PCGF3: variants seen among roughly 807,000 people sequenced by gnomAD.
PCGF3 encodes polycomb group ring finger 3, also known as polycomb group RING finger protein 3.
A neutral mutation model predicts 33.1 loss-of-function variants in PCGF3; 7 were observed. That is an observed-to-expected ratio of 0.21 (90% CI 0.12 to 0.40). PCGF3 has a LOEUF of 0.40. PCGF3 is among the 10% of genes least tolerant of loss of function. The probability of loss-of-function intolerance (pLI) is 1.00; values close to 1 mark genes in which losing one functional copy is unlikely to be tolerated. For missense variants in PCGF3, 211 were observed against 313.3 expected, an observed-to-expected ratio of 0.67 and a Z score of 2.46; for synonymous variants, 153 against 121.3, an observed-to-expected ratio of 1.26 and a Z score of -1.72.
At chr4:739,843 A>C (rs1744009918) in intron 6 of PCGF3, among the ~76,000 whole-genome samples, 1 of 152,228 alleles carries the variant, frequency 6.6e-6, no homozygotes, top group Admixed American at 6.5e-5. Context: ...GAAGAAGTCG[A>C]GAGGCAAGAG....
chr4:741,178 T>A (rs1057223376), intron 6 of PCGF3, among the ~76,000 whole-genome samples: 5 of 152,318 alleles, frequency 3.3e-5, no homozygotes, highest in Non-Finnish European at 5.9e-5. Context: ...ACCAGCAATA[T>A]TCCCTACTCA....
chr4:734,919 C>T lies in PCGF3; in HGVS notation c.110-12C>T. ...TAGACGCTCTCCTAACACACCTGTG[C>T]TTTGATGACAGTCTGCAGGAGCTGC... On this transcript the variant is annotated splice_polypyrimidine_tract_variant and intron_variant, in intron 4 of 10. Coordinates refer to ENST00000362003, the Ensembl canonical transcript of PCGF3. The T allele has an allele frequency of 6.2e-7, 1 of 1,612,438 alleles. No homozygotes were observed. Among genetic ancestry groups the T allele is most frequent in the Non-Finnish European group, 8.5e-7 (1 of 1,179,508 alleles).
chr4:736,759 G>A (rs1317021362), intron 5 of PCGF3, among the ~76,000 whole-genome samples: 2 of 150,752 alleles, frequency 1.3e-5, no homozygotes, highest in African/African-American at 4.9e-5. Flanking sequence ...CGGGGTGTCC[G>A]CAGGGACGGT....
chr4:712,698 G>C (rs1742627956), intron 1 of PCGF3, among the ~76,000 whole-genome samples: 1 of 152,098 alleles, frequency 6.6e-6, no homozygotes, highest in African/African-American at 2.4e-5. Flanking sequence ...CGCCCGCCTT[G>C]GCCTCCCAAA....
At chr4:728,566 C>T (rs1048377265) in intron 1 of PCGF3, among the ~76,000 whole-genome samples, 1 of 152,188 alleles carries the variant, frequency 6.6e-6, no homozygotes, top group East Asian at 1.9e-4. Flanking sequence ...TTGGTATCAG[C>T]GGCGTCCTGG....
chr4:714,548 A>T (rs1300575774), intron 1 of PCGF3, among the ~76,000 whole-genome samples: 4 of 152,146 alleles, frequency 2.6e-5, no homozygotes, highest in African/African-American at 9.7e-5. Flanking sequence ...TGTCTTGAGA[A>T]TGTCTCCATG....
At chr4:737,418 A>T (rs1229463048) in intron 5 of PCGF3, 48 bp from the exon 6 acceptor site, 8 of 1,230,160 alleles carry the variant, frequency 6.5e-6, no homozygotes, top group Non-Finnish European at 9.6e-6. Context: ...TACAAGAATT[A>T]TAGAATTAAC....
exon 11 of PCGF3, chr4:766,187 T>G: frequency 1.2e-6 from 1 of 812,756 alleles, no homozygotes; most frequent in Non-Finnish European, 2.0e-6. Context: ...GACTTCTGAA[T>G]AGAGAATATT....
Position 752,448 on chromosome 4 carries a change from C to T in PCGF3, c.462+7760C>T, listed in dbSNP as rs556518397. ...GCCTGACTTCTTTGGGAGCAGCCGG[C>T]GGGTTTCATGGATGCACGGCCACAG... On this transcript the variant is annotated intron_variant, in intron 8 of 10. Transcript: ENST00000362003. Among the ~76,000 whole-genome samples the T allele has an allele frequency of 6.6e-5, 10 of 152,334 alleles. No individual in the cohort carries two copies. In the East Asian group the frequency reaches 1.2e-3, roughly 18 times the overall value.
chr4:761,668 T>C (rs959943777), intron 9 of PCGF3: 6 of 985,216 alleles, frequency 6.1e-6, no homozygotes, highest in Middle Eastern at 5.2e-4. Context: ...ATGATGAGAC[T>C]GTTTTAAAAT....
intron 1 of PCGF3, among the ~76,000 whole-genome samples, chr4:719,291 G>A (rs74820318): frequency 1.4e-3 from 209 of 152,322 alleles, no homozygotes; most frequent in Non-Finnish European, 2.7e-3. Flanking sequence ...GGGTGACATA[G>A]CTGTGCAGAG....
chr4:749,879 G>A (rs1744437728), intron 8 of PCGF3, among the ~76,000 whole-genome samples: 1 of 151,976 alleles, frequency 6.6e-6, no homozygotes, highest in Non-Finnish European at 1.5e-5. Flanking sequence ...GTGCAATGGT[G>A]CAATCACAGC....
At chr4:732,407 T>G (rs1743633300) in intron 3 of PCGF3, 1 of 145,620 alleles carries the variant, frequency 6.9e-6, no homozygotes, top group African/African-American at 2.5e-5. Context: ...CAGGCTCCCG[T>G]GTCCTCAGTA....
chr4:733,361 T>G (rs1301924600), intron 3 of PCGF3, among the ~76,000 whole-genome samples: 1 of 152,178 alleles, frequency 6.6e-6, no homozygotes, highest in Non-Finnish European at 1.5e-5. Flanking sequence ...GGATCCTGCC[T>G]CTCTGCAGCT....
At chr4:742,827 C>T (rs985452408) in intron 6 of PCGF3, among the ~76,000 whole-genome samples, 1 of 152,200 alleles carries the variant, frequency 6.6e-6, no homozygotes, top group Non-Finnish European at 1.5e-5. Context: ...TAACCCACTG[C>T]CAGGCAACGG....
At chr4:753,995 G>A (rs545938901) in intron 8 of PCGF3, among the ~76,000 whole-genome samples, 88 of 152,182 alleles carry the variant, frequency 5.8e-4, no homozygotes, top group Non-Finnish European at 1.1e-3. Flanking sequence ...CTTCAGGGGC[G>A]TTCTGGGTCC....
At chr4:729,333 C>G (rs1743456259) in intron 1 of PCGF3, among the ~76,000 whole-genome samples, 1 of 150,938 alleles carries the variant, frequency 6.6e-6, no homozygotes, top group Non-Finnish European at 1.5e-5. Context: ...GAGGATTGCT[C>G]AAGCCCAGGA....
chr4:731,599 G>GCTCCC (rs1408503066), intron 3 of PCGF3, among the ~76,000 whole-genome samples: 1 of 116,466 alleles, frequency 8.6e-6, no homozygotes, highest in African/African-American at 2.9e-5. Flanking sequence ...ATAGGGCGGG[G>GCTCCC]CTCCCCTCCC....
At position 744,405 on chromosome 4, in the gene PCGF3, C is replaced by T. The variant is rs1399264701; in HGVS notation, c.374-195C>T. ...CCCACGCCTGCACCCCACAGGCCCA[C>T]ACGCCCGTTCTGCATCCTGGGGAGA... On this transcript the variant is annotated intron_variant, in intron 7 of 10. Transcript: ENST00000362003. Among the ~76,000 whole-genome samples, 4 of 152,244 alleles carry T rather than the reference C, an allele frequency of 2.6e-5. No homozygotes were observed. The East Asian group carries it at 7.7e-4, about 29-fold the overall frequency.
Sources: allele counts gnomAD v4.1 joint callset (sites outside exome capture counted in the v4.1 genomes callset), GRCh38; gene constraint gnomAD v4.1.1; transcripts MANE v1.5; gene names NCBI Gene and HGNC (gene_info 2026-07-23, HGNC 2026-07-21).